The following MECOM variants were observed in gnomAD, a reference collection of about 807,000 sequenced individuals.
MECOM encodes the protein histone-lysine N-methyltransferase MECOM.
Under a neutral mutation model 116.3 loss-of-function variants are expected in MECOM, and 13 were observed. The observed-to-expected ratio is 0.11, with a 90% CI of 0.07 to 0.18. The LOEUF (loss-of-function observed/expected upper bound fraction) is 0.18. Ranked by LOEUF, MECOM falls within the 10% of genes least tolerant of loss-of-function variation. MECOM has a pLI of 1.00. For missense variants in MECOM, 1,299 were observed against 1,509.0 expected, an observed-to-expected ratio of 0.86 and a Z score of 2.31; for synonymous variants, 528 against 535.2, an observed-to-expected ratio of 0.99 and a Z score of 0.19.
intron 1 of MECOM, among the ~76,000 whole-genome samples, chr3:169,485,806 A>G (rs1392416436): frequency 1.4e-5 from 2 of 147,356 alleles, no homozygotes; most frequent in South Asian, 4.2e-4. Flanking sequence ...GAAATGTACA[A>G]TTCTTCCTCT....
intron 2 of MECOM, among the ~76,000 whole-genome samples, chr3:169,170,887 A>G (rs1272540298): frequency 6.6e-6 from 1 of 152,168 alleles, no homozygotes; most frequent in African/African-American, 2.4e-5. Context: ...TTGATTCTCA[A>G]TTTTGAATTC....
At chr3:169,496,562 A>G (rs1198775813) in intron 1 of MECOM, among the ~76,000 whole-genome samples, 1 of 152,332 alleles carries the variant, frequency 6.6e-6, no homozygotes, top group East Asian at 1.9e-4. Flanking sequence ...TCGGCAAGCC[A>G]CTGCTCTGGC....
At chr3:169,641,002 G>A (rs1773411886) in intron 1 of MECOM, among the ~76,000 whole-genome samples, 1 of 152,194 alleles carries the variant, frequency 6.6e-6, no homozygotes, top group Admixed American at 6.5e-5. Context: ...AGCCCCACCA[G>A]TGACACTCTA....
chr3:169,178,906 A>G (rs1329590717), intron 2 of MECOM, among the ~76,000 whole-genome samples: 1 of 152,216 alleles, frequency 6.6e-6, no homozygotes, highest in Non-Finnish European at 1.5e-5. Context: ...CGAAGTTTTC[A>G]CAGAACATTC....
At position 169,486,041 on chromosome 3, in the gene MECOM, G is replaced by GTA. The variant is rs200294605; in HGVS notation, c.38-104519_38-104518dup. Among the ~76,000 whole-genome samples the GTA allele has an allele frequency of 5.9e-3, 719 of 121,518 alleles. 17 individuals carry two copies. Among genetic ancestry groups the GTA allele is most frequent in the East Asian group, 0.028 (117 of 4,190 alleles). 79.7% of individuals were successfully genotyped at this position (121,518 alleles called of 152,430 possible). A position where few individuals can be genotyped will look rare whatever the true frequency, so the allele number is the denominator to read the frequency against. ...ATGTATATATAGTATATATATATAT[G>GTA]TATATATATATACACTATCCCAGAG... is the stretch of plus-strand genomic sequence containing the variant. On this transcript the variant is annotated intron_variant, in intron 1 of 16. Transcript: ENST00000651503.
chr3:169,544,267 G>A (rs947624141), intron 1 of MECOM, among the ~76,000 whole-genome samples: 1 of 152,202 alleles, frequency 6.6e-6, no homozygotes. Flanking sequence ...TGGCACATAT[G>A]CACCCAATAA....
chr3:169,510,913 T>C (rs889924654), intron 1 of MECOM, among the ~76,000 whole-genome samples: 3 of 152,228 alleles, frequency 2.0e-5, no homozygotes, highest in Admixed American at 6.5e-5. Flanking sequence ...CCTCTTTCAA[T>C]AGGAAGAACA....
chr3:169,550,054 G>T (rs1373497861), intron 1 of MECOM, among the ~76,000 whole-genome samples: 1 of 152,194 alleles, frequency 6.6e-6, no homozygotes, highest in Non-Finnish European at 1.5e-5. Flanking sequence ...GCTAGCTTGA[G>T]TTAGACTTTG....
intron 2 of MECOM, among the ~76,000 whole-genome samples, chr3:169,268,876 A>G (rs1448994394): frequency 6.6e-6 from 1 of 152,170 alleles, no homozygotes; most frequent in Non-Finnish European, 1.5e-5. Context: ...GTGTTTGTTT[A>G]AGAGTTTCAG....
chr3:169,597,283 G>A (rs1031471438), intron 1 of MECOM, among the ~76,000 whole-genome samples: 4 of 152,228 alleles, frequency 2.6e-5, no homozygotes, highest in African/African-American at 7.2e-5. Flanking sequence ...AGAGGGCGAA[G>A]AGGTGTGGAA....
At chr3:169,265,033 GAA>G (rs61350095) in intron 2 of MECOM, among the ~76,000 whole-genome samples, 2 of 138,636 alleles carry the variant, frequency 1.4e-5, no homozygotes, top group Non-Finnish European at 3.1e-5. Context: ...CAGCAAAACA[GAA>G]AAAAAAAAAA....
At chr3:169,140,066 A>G (rs1292137979) in intron 3 of MECOM, among the ~76,000 whole-genome samples, 1 of 150,452 alleles carries the variant, frequency 6.6e-6, no homozygotes, top group Non-Finnish European at 1.5e-5. Context: ...AAAAAAAAAC[A>G]TTTTTATGCT....
intron 1 of MECOM, among the ~76,000 whole-genome samples, chr3:169,549,458 C>T (rs1761112703): frequency 6.6e-6 from 1 of 151,614 alleles, no homozygotes; most frequent in Non-Finnish European, 1.5e-5. Flanking sequence ...CATTTTAAAT[C>T]CACTGAAACT....
intron 1 of MECOM, among the ~76,000 whole-genome samples, chr3:169,489,226 T>C (rs1371198112): frequency 6.6e-6 from 1 of 152,196 alleles, no homozygotes; most frequent in Non-Finnish European, 1.5e-5. Context: ...GTTGAATATG[T>C]AGCTGATCTC....
intron 3 of MECOM, among the ~76,000 whole-genome samples, chr3:169,142,892 A>G (rs530602647): frequency 1.3e-5 from 2 of 152,096 alleles, no homozygotes; most frequent in African/African-American, 4.8e-5. Context: ...GATTTAGGAA[A>G]CCATTGGGTT....
chr3:169,632,584 A>G (rs1480651563), intron 1 of MECOM, among the ~76,000 whole-genome samples: 1 of 152,242 alleles, frequency 6.6e-6, no homozygotes, highest in East Asian at 1.9e-4. Flanking sequence ...ACCACATACA[A>G]GAGGTGACAA....
At position 169,306,048 on chromosome 3, in the gene MECOM, GTTCCT is replaced by G. The variant is rs902802104; in HGVS notation, c.375+75134_375+75138del. Reference sequence around the variant, plus strand: ...TATCTAGGTACATTGTTACCGCTCTGTTCCTTTCAAGTAAACATATTAATTCAATA... The same window carrying G: ...TATCTAGGTACATTGTTACCGCTCTGTTCAAGTAAACATATTAATTCAATA... On this transcript the variant is annotated intron_variant, in intron 2 of 16. Coordinates refer to ENST00000651503, the MANE Select transcript of MECOM (RefSeq NM_004991.4). Among the ~76,000 whole-genome samples the G allele has an allele frequency of 6.2e-4, 94 of 152,112 alleles. 1 individual carries two copies. Among genetic ancestry groups the G allele is most frequent in the African/African-American group, 2.1e-3 (86 of 41,486 alleles).
chr3:169,286,984 T>C (rs982968229), intron 2 of MECOM, among the ~76,000 whole-genome samples: 1 of 152,222 alleles, frequency 6.6e-6, no homozygotes, highest in African/African-American at 2.4e-5. Flanking sequence ...GCCTCTTCCA[T>C]GAGTCCTAAA....
Position 169,663,513 on chromosome 3 carries a change from T to TCTCC in MECOM, c.-142_-141insGGAG. On this transcript the variant is annotated 5_prime_UTR_variant, in exon 1 of 17. Transcript: ENST00000651503. ...CTCTCTCTCTCTCTCTCTCTCTCTC[T>TCTCC]CTCTCTCTCTCTCTCTCCCTCCCTC... is the stretch of plus-strand genomic sequence containing the variant. 1 of 670,748 alleles carries TCTCC rather than the reference T, an allele frequency of 1.5e-6. No individual in the cohort carries two copies. The highest frequency in any genetic ancestry group is 1.8e-5 in the South Asian group (1 of 54,186). 41.5% of individuals were successfully genotyped at this position (670,748 alleles called of 1,614,324 possible). A position where few individuals can be genotyped will look rare whatever the true frequency, so the allele number is the denominator to read the frequency against.
Sources: allele counts gnomAD v4.1 joint callset (sites outside exome capture counted in the v4.1 genomes callset), GRCh38; gene constraint gnomAD v4.1.1; transcripts MANE v1.5; gene names NCBI Gene and HGNC (gene_info 2026-07-23, HGNC 2026-07-21).